Variants in FHIT observed in about 807,000 individuals in gnomAD.
FHIT encodes bis(5'-adenosyl)-triphosphatase.
FHIT carries 19 observed loss-of-function variants against 17.9 expected under a neutral mutation model. The ratio of observed to expected loss-of-function variants is 1.06; its 90% CI spans 0.74 to 1.56. The LOEUF (loss-of-function observed/expected upper bound fraction) is 1.56, where lower values mean the gene tolerates loss of function less well. FHIT is among the 40% of genes most tolerant of loss of function. The pLI, the probability that FHIT is intolerant of heterozygous loss-of-function variation, is 0.00. For missense variants in FHIT, 248 were observed against 189.2 expected, an observed-to-expected ratio of 1.31 and a Z score of -1.82; for synonymous variants, 81 against 69.7, an observed-to-expected ratio of 1.16 and a Z score of -0.81.
At chr3:60,798,752 C>CTTTTTTTTT (rs35159710) in intron 4 of FHIT, among the ~76,000 whole-genome samples, 5 of 105,476 alleles carry the variant, frequency 4.7e-5, no homozygotes, top group African/African-American at 7.0e-5. Context: ...ACTGCAATAG[C>CTTTTTTTTT]TTTTTTTTTT....
At chr3:60,208,486 A>G (rs1424231510) in intron 5 of FHIT, among the ~76,000 whole-genome samples, 1 of 152,240 alleles carries the variant, frequency 6.6e-6, no homozygotes, top group African/African-American at 2.4e-5. Flanking sequence ...TGCCCACATT[A>G]TGAGAAAAGA....
chr3:59,923,293 A>G (rs1341527233), intron 7 of FHIT, among the ~76,000 whole-genome samples: 1 of 151,672 alleles, frequency 6.6e-6, no homozygotes, highest in African/African-American at 2.4e-5. Context: ...ACTTTACAGA[A>G]GAAGATATCA....
intron 5 of FHIT, among the ~76,000 whole-genome samples, chr3:60,152,446 C>T (rs80063152): frequency 0.012 from 1,881 of 152,240 alleles, 35 homozygotes; most frequent in African/African-American, 0.043. Flanking sequence ...GGAAAGCAGG[C>T]CGCAGCTACT....
chr3:60,442,833 G>T (rs2031009036), intron 5 of FHIT, among the ~76,000 whole-genome samples: 1 of 152,084 alleles, frequency 6.6e-6, no homozygotes, highest in South Asian at 2.1e-4. Context: ...GCTTGATGGG[G>T]ATGGCATTGA....
chr3:60,507,668 T>C (rs750433988), intron 5 of FHIT, among the ~76,000 whole-genome samples: 3 of 152,140 alleles, frequency 2.0e-5, no homozygotes, highest in Non-Finnish European at 2.9e-5. Flanking sequence ...CTCTCCCTCC[T>C]TCCATCTTCC....
intron 4 of FHIT, among the ~76,000 whole-genome samples, chr3:60,639,094 G>A (rs1159754197): frequency 1.4e-5 from 2 of 146,566 alleles, no homozygotes; most frequent in African/African-American, 5.2e-5. Context: ...GGCAAAGAAA[G>A]CCCACTGAGG....
chr3:60,159,585 T>A (rs1455077955), intron 5 of FHIT, among the ~76,000 whole-genome samples: 2 of 152,212 alleles, frequency 1.3e-5, no homozygotes, highest in African/African-American at 4.8e-5. Flanking sequence ...ATCTACCTTT[T>A]TAGTACAGTA....
Position 59,870,874 on chromosome 3 carries a change from CGT to C in FHIT, c.348+51470_348+51471del, listed in dbSNP as rs56278897. ...TAAAGGGCGTGTGTGTGTGTGTGTG[CGT>C]GTGTGTGTGTGTGTGTATTTAACCT... On this transcript the variant is annotated intron_variant, in intron 8 of 9. Coordinates refer to ENST00000492590, the MANE Select transcript of FHIT (RefSeq NM_002012.4). Among the ~76,000 whole-genome samples, 265 of 149,838 alleles carry C rather than the reference CGT, an allele frequency of 1.8e-3. 1 individual carries two copies. Among genetic ancestry groups the C allele is most frequent in the African/African-American group, 5.4e-3 (220 of 40,720 alleles).
At chr3:60,684,045 T>G (rs535066537) in intron 4 of FHIT, among the ~76,000 whole-genome samples, 1 of 152,278 alleles carries the variant, frequency 6.6e-6, no homozygotes, top group Admixed American at 6.5e-5. Flanking sequence ...GGCACTGAGA[T>G]TCAGAGAGGT....
chr3:60,950,078 A>G (rs6788916), intron 3 of FHIT, among the ~76,000 whole-genome samples: 29,463 of 152,186 alleles, frequency 0.19, 3,281 homozygotes, highest in Middle Eastern at 0.29. Context: ...TTGTGCATGC[A>G]TTACCTTTTC....
At chr3:59,754,084 AC>A (rs1459913296) in intron 8 of FHIT, among the ~76,000 whole-genome samples, 4 of 152,130 alleles carry the variant, frequency 2.6e-5, no homozygotes, top group Non-Finnish European at 4.4e-5. Flanking sequence ...AGAGGCCTCT[AC>A]CCTGGCAGCT....
At chr3:61,241,889 G>A (rs2040381767) in intron 1 of FHIT, among the ~76,000 whole-genome samples, 2 of 152,088 alleles carry the variant, frequency 1.3e-5, no homozygotes, top group South Asian at 4.2e-4. Context: ...TAAAATAAGT[G>A]ATTTTTAACT....
intron 2 of FHIT, among the ~76,000 whole-genome samples, chr3:61,079,326 C>A (rs2035061923): frequency 6.6e-6 from 1 of 152,026 alleles, no homozygotes; most frequent in African/African-American, 2.4e-5. Context: ...CCAAACTACA[C>A]AATCATCTTC....
intron 5 of FHIT, among the ~76,000 whole-genome samples, chr3:60,384,994 G>A (rs1469158459): frequency 6.6e-6 from 1 of 152,046 alleles, no homozygotes; most frequent in African/African-American, 2.4e-5. Context: ...GGCCTTCTAA[G>A]CAGAAAAAAT....
At chr3:59,890,901 C>T (rs553983193) in intron 8 of FHIT, among the ~76,000 whole-genome samples, 1 of 152,302 alleles carries the variant, frequency 6.6e-6, no homozygotes, top group Non-Finnish European at 1.5e-5. Context: ...CCAACACTGG[C>T]TCTCATAATC....
chr3:61,167,691 AAGGAC>A (rs1466268262), intron 2 of FHIT, among the ~76,000 whole-genome samples: 3 of 151,732 alleles, frequency 2.0e-5, no homozygotes, highest in South Asian at 2.1e-4. Context: ...AAGGAAAAGA[AAGGAC>A]AGGACAGGAA....
At chr3:61,101,318 A>C (rs2035818804) in intron 2 of FHIT, among the ~76,000 whole-genome samples, 1 of 152,182 alleles carries the variant, frequency 6.6e-6, no homozygotes, top group African/African-American at 2.4e-5. Flanking sequence ...TAAATAGGGA[A>C]TCCTTTCCCC....
intron 2 of FHIT, among the ~76,000 whole-genome samples, chr3:61,151,484 A>G (rs2037387208): frequency 6.6e-6 from 1 of 151,908 alleles, no homozygotes; most frequent in Non-Finnish European, 1.5e-5. Context: ...ATGTATCCAA[A>G]GGTTAGCTTT....
rs569945237 is a variant in FHIT at position 61,221,063 on chromosome 3, T to C, written c.-212-20398A>G. ...CCAATAATTAGCATCTGAAAATTCATAGAGTCACAGACAAATCAAATTCCA... is the reference window on the plus strand; with the variant it reads ...CCAATAATTAGCATCTGAAAATTCACAGAGTCACAGACAAATCAAATTCCA... On this transcript the variant is annotated intron_variant, in intron 1 of 9. Coordinates refer to ENST00000492590, the MANE Select transcript of FHIT (RefSeq NM_002012.4). 1.2e-4 allele frequency among the ~76,000 whole-genome samples: 18 copies of C among 152,216 alleles called. No homozygotes were observed. In the South Asian group the frequency reaches 1.7e-3, roughly 14 times the overall value.
Sources: gnomAD v4.1 joint callset for allele counts (sites outside exome capture counted in the v4.1 genomes callset) on GRCh38, gnomAD v4.1.1 for gene constraint, MANE v1.5 for transcripts, NCBI Gene and HGNC (gene_info 2026-07-23, HGNC 2026-07-21) for gene names.